ATAD2: variants seen among roughly 807,000 people sequenced by gnomAD.
The protein encoded by ATAD2 is ATPase family AAA domain containing 2, also known as ATPase family AAA domain-containing protein 2.
ATAD2 carries 62 observed loss-of-function variants against 168.9 expected under a neutral mutation model. The observed-to-expected ratio is 0.37, with a 90% CI of 0.30 to 0.45. The LOEUF (loss-of-function observed/expected upper bound fraction) is 0.45, where lower values mean the gene tolerates loss of function less well. ATAD2 is among the 20% of genes least tolerant of loss of function. ATAD2 has a pLI of 1.00. For synonymous variants in ATAD2, 613 were observed against 571.6 expected (o/e 1.07, Z -1.03); for missense variants, 1,419 against 1,667.8 (o/e 0.85, Z 2.60).
chr8:123,373,021 T>C (rs934062203), intron 2 of ATAD2, among the ~76,000 whole-genome samples: 4 of 151,790 alleles, frequency 2.6e-5, no homozygotes, highest in Admixed American at 6.6e-5. Context: ...GCTTCCCGAA[T>C]AGTTGGGACT....
Position 123,396,387 on chromosome 8 carries a change from G to A in ATAD2, c.-30C>T. ...TCTCCCTACTGGCCTCGGCGTGCGC[G>A]ACCGGAGAGAGATCCAGCTCCAGGC... On this transcript the variant is annotated 5_prime_UTR_variant, in exon 1 of 28. Coordinates refer to ENST00000287394, the MANE Select transcript of ATAD2 (RefSeq NM_014109.4). The A allele has an allele frequency of 2.6e-6, 4 of 1,531,222 alleles. No individual in the cohort carries two copies. Among genetic ancestry groups the A allele is most frequent in the South Asian group, 1.2e-5 (1 of 84,028 alleles). The allele number at this position is 1,531,222 out of a possible 1,614,324, so 94.9% of individuals were successfully genotyped here.
At chr8:123,372,950 T>C (rs1829192376) in intron 2 of ATAD2, among the ~76,000 whole-genome samples, 1 of 150,968 alleles carries the variant, frequency 6.6e-6, no homozygotes, top group Admixed American at 6.6e-5. Flanking sequence ...TGGAGTGCAG[T>C]GGCGCGATCT....
intron 1 of ATAD2, among the ~76,000 whole-genome samples, chr8:123,392,324 C>A (rs1478651825): frequency 6.6e-6 from 1 of 152,036 alleles, no homozygotes; most frequent in Non-Finnish European, 1.5e-5. Context: ...AGAGGCATGT[C>A]AGGAGAGTGG....
upstream of ATAD2, among the ~76,000 whole-genome samples, chr8:123,399,348 T>G (rs1383771210): frequency 6.6e-6 from 1 of 152,184 alleles, no homozygotes; most frequent in Non-Finnish European, 1.5e-5. Flanking sequence ...AGCCCCCATC[T>G]TATTCTAAGC....
At chr8:123,357,541 T>G (rs202049114) in intron 12 of ATAD2, 21 bp downstream of exon 12, 6 of 1,596,266 alleles carry the variant, frequency 3.8e-6, no homozygotes, top group Non-Finnish European at 1.7e-6. Context: ...TATCCAGATA[T>G]ATAAAATGTT....
chr8:123,350,065 G>C (rs1292117878), intron 13 of ATAD2, among the ~76,000 whole-genome samples: 1 of 151,948 alleles, frequency 6.6e-6, no homozygotes, highest in Non-Finnish European at 1.5e-5. Flanking sequence ...GTAGCACCAG[G>C]TAGGACACAC....
At chr8:123,342,571 CTG>C (rs915785903) in intron 19 of ATAD2, 5 of 151,954 alleles carry the variant, frequency 3.3e-5, no homozygotes, top group African/African-American at 1.2e-4. Flanking sequence ...TGTGTAGAAA[CTG>C]TTTCAACATA....
chr8:123,396,037 A>G, intron 1 of ATAD2, 150 bp downstream of exon 1: 1 of 923,652 alleles, frequency 1.1e-6, no homozygotes. Flanking sequence ...CGATCCCGAG[A>G]GCTTCCATTT....
intron 20 of ATAD2, 109 bp from the exon 21 acceptor site, chr8:123,337,930 G>T: frequency 9.7e-7 from 1 of 1,026,980 alleles, no homozygotes; most frequent in Non-Finnish European, 1.4e-6. Context: ...CCTCATATAT[G>T]CAAGGAATCC....
At position 123,325,245 on chromosome 8, in the gene ATAD2, C is replaced by T. The variant is rs1269064198; in HGVS notation, c.4002+648G>A. 2.0e-5 allele frequency among the ~76,000 whole-genome samples: 3 copies of T among 150,540 alleles called. No individual in the cohort carries two copies. In the East Asian group the frequency reaches 5.8e-4, roughly 29 times the overall value. On this transcript the variant is annotated intron_variant, in intron 26 of 27. Transcript: ENST00000287394. ...CCAGTAGGCTGGGAATACAGGTGCC[C>T]ACCACCACACCTAACTAATTTTTTG...
At chr8:123,413,228 C>G (rs965312809) in intron 1 of ATAD2, among the ~76,000 whole-genome samples, 4 of 60,134 alleles carry the variant, frequency 6.7e-5, no homozygotes, top group South Asian at 7.9e-4. Flanking sequence ...ATGAGCGCCC[C>G]CCCCCCCCCA....
chr8:123,386,483 G>A (rs985914663), intron 1 of ATAD2, among the ~76,000 whole-genome samples: 1 of 152,130 alleles, frequency 6.6e-6, no homozygotes, highest in African/African-American at 2.4e-5. Context: ...ACAGAAAGTA[G>A]AACAGTGGTT....
rs755581641 is a variant in ATAD2 at position 123,336,478 on chromosome 8, T to C, written c.3106A>G (p.Ser1036Gly). The change falls in exon 22 of 28, where the codon AGT (serine) becomes GGT (glycine). Residue 1036 changes from serine to glycine, a missense_variant. By Grantham distance (56) the Ser-to-Gly change is moderately conservative. Transcript: ENST00000287394. The part of the protein sequence containing the change: ...KQPMDLSSVI[S>G]KIDLHKYLTV... ...AGATACTTGTGTAGATCAATTTTAC[T>C]GATTACAGATGAAAGGTCCATTGGT... 6.4e-7 allele frequency: 1 copy of C among 1,553,678 alleles called. No individual in the cohort carries two copies. Among genetic ancestry groups the C allele is most frequent in the Non-Finnish European group, 8.6e-7 (1 of 1,158,274 alleles).
At chr8:123,367,794 A>G (rs116417574) in intron 8 of ATAD2, among the ~76,000 whole-genome samples, 566 of 152,288 alleles carry the variant, frequency 3.7e-3, no homozygotes, top group African/African-American at 0.012. Flanking sequence ...TACACTTGTG[A>G]TTCCTACAAT....
At chr8:123,391,744 C>T (rs975401139) in intron 1 of ATAD2, among the ~76,000 whole-genome samples, 1 of 151,992 alleles carries the variant, frequency 6.6e-6, no homozygotes, top group Admixed American at 6.6e-5. Context: ...ATGTAAAGCC[C>T]CCAAATCAGA....
chr8:123,391,680 T>C (rs1291298589), intron 1 of ATAD2, among the ~76,000 whole-genome samples: 13 of 152,176 alleles, frequency 8.5e-5, no homozygotes, highest in Non-Finnish European at 1.6e-4. Context: ...GTGAAGTCTC[T>C]GAAATGCATG....
intron 1 of ATAD2, among the ~76,000 whole-genome samples, chr8:123,413,228 C>T (rs965312809): frequency 1.0e-4 from 6 of 60,134 alleles, no homozygotes; most frequent in Non-Finnish European, 1.4e-4. Flanking sequence ...ATGAGCGCCC[C>T]CCCCCCCCCA....
At chr8:123,397,987 C>G (rs904485220), upstream of ATAD2, among the ~76,000 whole-genome samples, 1 of 151,960 alleles carries the variant, frequency 6.6e-6, no homozygotes, top group African/African-American at 2.4e-5. Context: ...GACTCTGGGT[C>G]TTAGTTTGAA....
At chr8:123,355,354 A>G (rs1407347833) in intron 13 of ATAD2, among the ~76,000 whole-genome samples, 1 of 152,230 alleles carries the variant, frequency 6.6e-6, no homozygotes, top group Non-Finnish European at 1.5e-5. Context: ...CCTTTAGGAT[A>G]TTCCAAATTA....
Sources: gnomAD v4.1 joint callset for allele counts (sites outside exome capture counted in the v4.1 genomes callset) on GRCh38, gnomAD v4.1.1 for gene constraint, MANE v1.5 for transcripts, NCBI Gene and HGNC (gene_info 2026-07-23, HGNC 2026-07-21) for gene names.